Variants in ZSWIM8 observed in about 807,000 individuals in gnomAD.
ZSWIM8 encodes the protein zinc finger SWIM-type containing 8.
Under a neutral mutation model 173.7 loss-of-function variants are expected in ZSWIM8, and 27 were observed. That is an observed-to-expected ratio of 0.16 (90% CI 0.11 to 0.21). ZSWIM8 has a LOEUF of 0.21. ZSWIM8 is among the 10% of genes least tolerant of loss of function. The pLI, the probability that ZSWIM8 is intolerant of heterozygous loss-of-function variation, is 1.00. For synonymous variants in ZSWIM8, 958 were observed against 962.0 expected (o/e 1.00, Z 0.08); for missense variants, 1,627 against 2,428.8 (o/e 0.67, Z 6.94).
chr10:73,794,395 C>G (rs1589573386), intron 13 of ZSWIM8, 65 bp downstream of exon 13: 1 of 1,575,490 alleles, frequency 6.3e-7, no homozygotes, highest in Non-Finnish European at 8.6e-7. Flanking sequence ...TAAGAAAGAC[C>G]AAGAGCCCCA....
In ZSWIM8 at chr10:73,792,034, G is replaced by A. The variant is rs979019325; in HGVS notation, c.1495G>A (p.Gly499Ser). The A allele has an allele frequency of 4.5e-6, 7 of 1,548,042 alleles. No homozygotes were observed. Among genetic ancestry groups the A allele is most frequent in the Middle Eastern group, 1.7e-4 (1 of 5,998 alleles). ...AYPLPGVTYSGTDRKLALCWA... is the reference protein window; with the variant it reads ...AYPLPGVTYSSTDRKLALCWA... ...CCCACTTCCTGGTGTCACCTACAGC[G>A]GCACTGACAGGAAGCTGGCACTGTG... The change falls in exon 10 of 26, where the codon GGC (glycine) becomes AGC (serine). Residue 499 changes from glycine (G) to serine (S), a missense_variant. By Grantham distance (56) the Gly-to-Ser change is moderately conservative. Around this residue, in one of 18 missense-constraint regions of ZSWIM8, gnomAD observed 383 missense variants for 394.8 expected, o/e 0.97. Coordinates refer to ENST00000604729, the MANE Select transcript of ZSWIM8 (RefSeq NM_001367799.1). This position sits in a 1 kb window ranked among gnomAD's most constrained non-coding sequence, Gnocchi z 4.3.
At position 73,789,850 on chromosome 10, in the gene ZSWIM8, G is replaced by C; in HGVS notation, c.738+26G>C. 1 of 1,590,570 alleles carries C rather than the reference G, an allele frequency of 6.3e-7. No individual in the cohort carries two copies. The highest frequency in any genetic ancestry group is 1.1e-5 in the South Asian group (1 of 87,844). On this transcript the variant is annotated intron_variant, in intron 5 of 25. Coordinates refer to ENST00000604729, the MANE Select transcript of ZSWIM8 (RefSeq NM_001367799.1). The surrounding 1 kb of genome is among the most constrained non-coding windows in gnomAD (Gnocchi z 6.8). The stretch of plus-strand genomic sequence containing the variant: ...GTGGGTGAGGTCGGCACCCCCTCCT[G>C]CAATTAGCTCCGGGCCAGGCCGCAT...
At position 73,799,493 on chromosome 10, in the gene ZSWIM8, G is replaced by A. The variant is rs1324551905; in HGVS notation, c.4665+3G>A. ...TGCCCAGCTCTGCATACCCACAGGT[G>A]AGACCAGTGTTCTGCTGGGGGGTAA... On this transcript the variant is annotated splice_donor_region_variant and intron_variant, in intron 21 of 25. Transcript: ENST00000604729. 1.9e-6 allele frequency: 3 copies of A among 1,596,790 alleles called. No individual in the cohort carries two copies. Among genetic ancestry groups the A allele is most frequent in the South Asian group, 2.3e-5 (2 of 88,364 alleles).
chr10:73,798,669 A>G (rs1219454271), intron 20 of ZSWIM8, among the ~76,000 whole-genome samples: 1 of 152,154 alleles, frequency 6.6e-6, no homozygotes, highest in Non-Finnish European at 1.5e-5. Context: ...TATTTTACAG[A>G]TAAGGAAATG....
chr10:73,789,276 G>A lies in ZSWIM8; in HGVS notation c.457+86G>A. The A allele has an allele frequency of 6.2e-7, 1 of 1,600,770 alleles. No homozygotes were observed. The highest frequency in any genetic ancestry group is 2.2e-5 in the East Asian group (1 of 44,602). On this transcript the variant is annotated intron_variant, in intron 3 of 25. Coordinates refer to ENST00000604729, the MANE Select transcript of ZSWIM8 (RefSeq NM_001367799.1). This position sits in a 1 kb window ranked among gnomAD's most constrained non-coding sequence, Gnocchi z 6.8. The stretch of plus-strand genomic sequence containing the variant: ...TAAGAACACACCGCAAGAAGCTGGA[G>A]CATGTTGTCTGAATAACTGCAGGGC...
At chr10:73,798,558 TAC>T (rs2083772036) in intron 20 of ZSWIM8, 105 bp downstream of exon 20, 14 of 1,056,602 alleles carry the variant, frequency 1.3e-5, no homozygotes, top group Non-Finnish European at 1.6e-5. Flanking sequence ...TCCTGGAGTT[TAC>T]AGATGATTGT....
chr10:73,798,123 A>C, intron 19 of ZSWIM8, 53 bp downstream of exon 19: 2 of 1,600,280 alleles, frequency 1.2e-6, no homozygotes, highest in Non-Finnish European at 1.7e-6. Context: ...TGGTGGGGAT[A>C]AGACCCTTAT....
rs373698947 is a variant in ZSWIM8 at position 73,793,959 on chromosome 10, G to A, written c.2540G>A (p.Arg847His). ...AAFLLTVLSE[R>H]PEHHNLAFRV... ...TTCCTGTTGACAGTGCTAAGTGAGC[G>A]TCCAGAGCACCACAACCTGGCCTTC... The change falls in exon 12 of 26, where the codon CGT (arginine) becomes CAT (histidine). Residue 847 changes from arginine to histidine, a missense_variant. Transcript: ENST00000604729. The A allele has an allele frequency of 6.2e-6, 10 of 1,613,218 alleles. No individual in the cohort carries two copies. Among genetic ancestry groups the A allele is most frequent in the African/African-American group, 5.3e-5 (4 of 74,920 alleles).
At chr10:73,794,800 C>G (rs550602835) in intron 14 of ZSWIM8, 161 bp downstream of exon 14, 6 of 600,742 alleles carry the variant, frequency 1.0e-5, no homozygotes, top group Non-Finnish European at 1.4e-5. Context: ...AAAATGTGTG[C>G]TATATGGCTG....
Position 73,796,941 on chromosome 10 carries a change from G to A in ZSWIM8, c.3201G>A (p.Gly1067=). ...AACCACTGACCTCAGGCTCTGCAGGGCCTGCTCAACCAGGGAGTGTGGCAG... is the reference window on the plus strand; with the variant it reads ...AACCACTGACCTCAGGCTCTGCAGGACCTGCTCAACCAGGGAGTGTGGCAG... ...ALQPLTSGSA[G]PAQPGSVAGA... The change falls in exon 16 of 26, where the codon GGG becomes GGA. Residue 1067 remains glycine (G), a synonymous_variant. Transcript: ENST00000604729. The A allele has an allele frequency of 6.2e-7, 1 of 1,614,040 alleles. No homozygotes were observed. Among genetic ancestry groups the A allele is most frequent in the Non-Finnish European group, 8.5e-7 (1 of 1,179,884 alleles).
chr10:73,791,561 CT>C lies in ZSWIM8; in HGVS notation c.1319+64del, dbSNP rs2083413592. ...TGGGCCAGCTCAGGACAGACTGAGCCTTCATCTCCTTGTTTGCAGAGACATA... is the reference window on the plus strand; with the variant it reads ...TGGGCCAGCTCAGGACAGACTGAGCCTCATCTCCTTGTTTGCAGAGACATA... On this transcript the variant is annotated intron_variant, in intron 9 of 25. Coordinates refer to ENST00000604729, the MANE Select transcript of ZSWIM8 (RefSeq NM_001367799.1). This position sits in a 1 kb window ranked among gnomAD's most constrained non-coding sequence, Gnocchi z 6.0. 1.3e-5 allele frequency: 19 copies of C among 1,454,522 alleles called. No homozygotes were observed. The highest frequency in any genetic ancestry group is 2.4e-4 in the Middle Eastern group (1 of 4,182). The allele number at this position is 1,454,522 out of a possible 1,614,324, so 90.1% of individuals were successfully genotyped here. A position where few individuals can be genotyped will look rare whatever the true frequency, so the allele number is the denominator to read the frequency against.
In ZSWIM8 at chr10:73,797,198, G is replaced by A. The variant is rs372585326; in HGVS notation, c.3360G>A (p.Leu1120=). The part of the protein sequence containing the change: ...PRPEGKVPSR[L]ALGSRGGYNG... ...CAGAAGGGAAGGTTCCTAGCCGCTTGGCACTTGGCAGTCGTGGAGGCTATA... is the reference window on the plus strand; with the variant it reads ...CAGAAGGGAAGGTTCCTAGCCGCTTAGCACTTGGCAGTCGTGGAGGCTATA... Residue 1120 remains leucine, a synonymous_variant, in exon 17 of 26, where the codon TTG becomes TTA. Coordinates refer to ENST00000604729, the MANE Select transcript of ZSWIM8 (RefSeq NM_001367799.1). This position sits in a 1 kb window ranked among gnomAD's most constrained non-coding sequence, Gnocchi z 5.6. 9.9e-6 allele frequency: 16 copies of A among 1,613,896 alleles called. No homozygotes were observed. Among genetic ancestry groups the A allele is most frequent in the Non-Finnish European group, 1.4e-5 (16 of 1,179,890 alleles).
At position 73,799,318 on chromosome 10, in the gene ZSWIM8, C is replaced by A; in HGVS notation, c.4493C>A (p.Pro1498Gln). 1 of 1,607,898 alleles carries A rather than the reference C, an allele frequency of 6.2e-7. No individual in the cohort carries two copies. The highest frequency in any genetic ancestry group is 1.1e-5 in the South Asian group (1 of 89,924). The change falls in exon 21 of 26, where the codon CCG becomes CAG. Residue 1498 changes from proline (P) to glutamine (Q), a missense_variant. Coordinates refer to ENST00000604729, the MANE Select transcript of ZSWIM8 (RefSeq NM_001367799.1). ...PVISVGSSLY[P>Q]GPGLGHGHSP... ...ATATCGGTGGGGTCTAGTTTATACCCGGGTCCAGGACTGGGGCATGGCCAC... is the reference window on the plus strand; with the variant it reads ...ATATCGGTGGGGTCTAGTTTATACCAGGGTCCAGGACTGGGGCATGGCCAC...
At position 73,800,325 on chromosome 10, in the gene ZSWIM8, C is replaced by T. The variant is rs555712684; in HGVS notation, c.4855C>T (p.Pro1619Ser). The change falls in exon 23 of 26, where the codon CCA becomes TCA. Residue 1619 changes from proline to serine, a missense_variant. Coordinates refer to ENST00000604729, the MANE Select transcript of ZSWIM8 (RefSeq NM_001367799.1). This position sits in a 1 kb window ranked among gnomAD's most constrained non-coding sequence, Gnocchi z 4.1. ...LSSVHPASTF[P>S]AIQGASLPAL... ...CAGTGTCCATCCAGCATCCACGTTT[C>T]CAGCCATCCAAGGTGCCTCACTGCC... The T allele has an allele frequency of 2.5e-6, 4 of 1,613,944 alleles. No homozygotes were observed. The highest frequency in any genetic ancestry group is 4.5e-5 in the East Asian group (2 of 44,874).
At chr10:73,787,587 C>T (rs186809526) in intron 1 of ZSWIM8, among the ~76,000 whole-genome samples, 7 of 152,268 alleles carry the variant, frequency 4.6e-5, no homozygotes, top group Non-Finnish European at 7.4e-5. Flanking sequence ...TGCGGTGGCT[C>T]GTGCCTGTAA....
At position 73,794,315 on chromosome 10, in the gene ZSWIM8, G is replaced by A. The variant is rs369888275; in HGVS notation, c.2794G>A (p.Val932Ile). 102 of 1,613,752 alleles carry A rather than the reference G, an allele frequency of 6.3e-5. No homozygotes were observed. Among genetic ancestry groups the A allele is most frequent in the Middle Eastern group, 1.6e-4 (1 of 6,068 alleles). ...CATGCTGGCCAGTTTCATCTTTGAC[G>A]TTCTCTGTGCTCCAGGTATGATGCC... ...PLMLASFIFD[V>I]LCAPVVSPTG... The change falls in exon 13 of 26, where the codon GTT becomes ATT. Residue 932 changes from valine (V) to isoleucine (I), a missense_variant. This residue lies in a region of ZSWIM8 where 169 missense variants were observed against 235.3 expected (regional missense o/e 0.72). Coordinates refer to ENST00000604729, the MANE Select transcript of ZSWIM8 (RefSeq NM_001367799.1).
chr10:73,801,335 T>C lies in ZSWIM8; in HGVS notation c.5321T>C (p.Ile1774Thr), dbSNP rs747760385. The C allele has an allele frequency of 7.4e-6, 12 of 1,613,908 alleles. No homozygotes were observed. In the East Asian group the frequency reaches 2.7e-4, roughly 36 times the overall value. The change falls in exon 26 of 26, where the codon ATT (isoleucine) becomes ACT (threonine). Residue 1774 changes from isoleucine (I) to threonine (T), a missense_variant. Around this residue, in one of 18 missense-constraint regions of ZSWIM8, gnomAD observed 122 missense variants for 196.1 expected, o/e 0.62. Transcript: ENST00000604729. The surrounding 1 kb of genome is among the most constrained non-coding windows in gnomAD (Gnocchi z 4.9). ...CTCCAGTACATCCACCACCGCTTGA[T>C]TCACCTGACTCCTGCGGACTACGAC... ...AYMQYIHHRLIHLTPADYDDF... is the reference protein window; with the variant it reads ...AYMQYIHHRLTHLTPADYDDF...
rs1413500331 is a variant in ZSWIM8, at chr10:73,799,440, C to T, written c.4615C>T (p.His1539Tyr). 3 of 1,605,742 alleles carry T rather than the reference C, an allele frequency of 1.9e-6. No individual in the cohort carries two copies. The highest frequency in any genetic ancestry group is 2.6e-6 in the Non-Finnish European group (3 of 1,176,236). ...AGCTCACCCTGCCCACCCCATGCCT[C>T]ACATGCCCCGGCCTGCCGTCTTCCC... Reference protein sequence around the residue: ...HPAHPAHPMPHMPRPAVFPVP... With the variant: ...HPAHPAHPMPYMPRPAVFPVP... The change falls in exon 21 of 26, where the codon CAC (histidine) becomes TAC (tyrosine). Residue 1539 changes from histidine (H) to tyrosine (Y), a missense_variant. This residue lies in a region of ZSWIM8 where 275 missense variants were observed against 290.1 expected (regional missense o/e 0.95). Coordinates refer to ENST00000604729, the MANE Select transcript of ZSWIM8 (RefSeq NM_001367799.1).
chr10:73,797,692 A>T lies in ZSWIM8; in HGVS notation c.3662+87A>T. On this transcript the variant is annotated intron_variant, in intron 18 of 25. Coordinates refer to ENST00000604729, the MANE Select transcript of ZSWIM8 (RefSeq NM_001367799.1). This position sits in a 1 kb window ranked among gnomAD's most constrained non-coding sequence, Gnocchi z 5.6. ...TGCAATCCAACCATTGTCTCCCAGCATCCTCACTTTCCCTGGTCCTTCCCA... is the reference window on the plus strand; with the variant it reads ...TGCAATCCAACCATTGTCTCCCAGCTTCCTCACTTTCCCTGGTCCTTCCCA... The T allele has an allele frequency of 1.3e-6, 2 of 1,566,362 alleles. No individual in the cohort carries two copies. Among genetic ancestry groups the T allele is most frequent in the Non-Finnish European group, 1.7e-6 (2 of 1,151,518 alleles).
Sources: allele counts gnomAD v4.1 joint callset (sites outside exome capture counted in the v4.1 genomes callset), GRCh38; gene constraint gnomAD v4.1.1; regional missense constraint gnomAD v4.1.1; non-coding constraint Gnocchi (gnomAD v3.1); transcripts MANE v1.5; gene names NCBI Gene and HGNC (gene_info 2026-07-23, HGNC 2026-07-21).